Variants in DNASE1L1 observed in about 807,000 individuals in gnomAD.
DNASE1L1 encodes deoxyribonuclease 1 like 1, also known as deoxyribonuclease-1-like 1.
In DNASE1L1, 8 loss-of-function variants were observed where a neutral mutation model predicts 18.6. The ratio of observed to expected loss-of-function variants is 0.43; its 90% CI spans 0.25 to 0.78. The LOEUF (loss-of-function observed/expected upper bound fraction) is 0.78, where lower values mean the gene tolerates loss of function less well. Ranked by LOEUF, DNASE1L1 falls within the 30% of genes least tolerant of loss-of-function variation. DNASE1L1 has a pLI of 0.23. For synonymous variants in DNASE1L1, 114 were observed against 114.2 expected (o/e 1.00, Z 0.01); for missense variants, 214 against 258.2 (o/e 0.83, Z 1.17).
At chrX:154,404,336 C>T (rs907146041) in intron 4 of DNASE1L1, among the ~76,000 whole-genome samples, 4 of 109,816 alleles carry the variant, frequency 3.6e-5, no homozygotes, top group South Asian at 7.8e-4. Context: ...AATTTTGGAG[C>T]GCATACCAGA....
Position 154,406,438 on chromosome X carries a change from C to T in DNASE1L1, c.-87-783G>A, listed in dbSNP as rs782277450. On this transcript the variant is annotated intron_variant, in intron 1 of 7. Transcript: ENST00000369807. ...GGGCTGGAGTGCAATGGTGCGATCT[C>T]GGCTTACTGCAACCTCTGCCTCCCA... Among the ~76,000 whole-genome samples the T allele has an allele frequency of 3.0e-5, 3 of 99,729 alleles. No homozygotes were observed. In the Admixed American group the frequency reaches 3.3e-4, roughly 11 times the overall value. 86.6% of individuals were successfully genotyped at this position (99,729 alleles called of 115,157 possible).
Position 154,402,304 on chromosome X carries a change from C to A in DNASE1L1, c.*403G>T. ...TTAATGGTTTCCTGGTGATTCTTAC[C>A]AATCCACAATAAACATGGCCCATTG... On this transcript the variant is annotated 3_prime_UTR_variant, in exon 8 of 8. Transcript: ENST00000369807. 6.8e-6 allele frequency: 1 copy of A among 146,865 alleles called. No homozygotes were observed. The highest frequency in any genetic ancestry group is 1.3e-5 in the Non-Finnish European group (1 of 74,755). 12.1% of individuals were successfully genotyped at this position (146,865 alleles called of 1,213,427 possible). A position where few individuals can be genotyped will look rare whatever the true frequency, so the allele number is the denominator to read the frequency against.
chrX:154,403,428 T>C (rs1557187561), intron 5 of DNASE1L1, 47 bp from the exon 6 acceptor site: 1 of 1,198,222 alleles, frequency 8.3e-7, no homozygotes, highest in Non-Finnish European at 1.1e-6. Context: ...CTGGACCTTC[T>C]CCCCCTAGCC....
upstream of DNASE1L1, chrX:154,409,365 G>A (rs937958256): frequency 4.2e-5 from 9 of 214,561 alleles, no homozygotes; most frequent in South Asian, 1.0e-4. Context: ...TGACCTGCCC[G>A]CCCACCTTCC....
upstream of DNASE1L1, among the ~76,000 whole-genome samples, chrX:154,411,228 T>A (rs1249993301): frequency 2.8e-5 from 3 of 107,934 alleles, no homozygotes; most frequent in Non-Finnish European, 5.8e-5. Flanking sequence ...TGGATCAGAG[T>A]GTGATGGCGG....
In DNASE1L1 at chrX:154,401,540, A is replaced by T. The variant is rs901265826; in HGVS notation, c.*1167T>A. On this transcript the variant is annotated 3_prime_UTR_variant, in exon 8 of 8. Coordinates refer to ENST00000369807, the MANE Select transcript of DNASE1L1 (RefSeq NM_001303620.2). Reference sequence around the variant, plus strand: ...GTGTGTGGCATGGTTTGGCCTGGGGATCTTAGATGTCTGACCTGAACTATT... The same window carrying T: ...GTGTGTGGCATGGTTTGGCCTGGGGTTCTTAGATGTCTGACCTGAACTATT... 1 of 116,973 alleles carries T rather than the reference A, an allele frequency of 8.5e-6. No homozygotes were observed. Among genetic ancestry groups the T allele is most frequent in the Admixed American group, 8.5e-5 (1 of 11,745 alleles). 9.6% of individuals were successfully genotyped at this position (116,973 alleles called of 1,213,427 possible).
chrX:154,405,853 C>T (rs2068139063), intron 1 of DNASE1L1, among the ~76,000 whole-genome samples, 198 bp from the exon 2 acceptor site: 1 of 108,275 alleles, frequency 9.2e-6, no homozygotes, highest in African/African-American at 3.4e-5. Context: ...CCAGCCTGGG[C>T]GACAATAAGA....
At chrX:154,410,524 G>A (rs1250716150), upstream of DNASE1L1, among the ~76,000 whole-genome samples, 1 of 110,764 alleles carries the variant, frequency 9.0e-6, no homozygotes, top group Non-Finnish European at 1.9e-5. Flanking sequence ...CTGCACTCCA[G>A]CCTGGGCAAC....
rs2068081799 is a variant in DNASE1L1 at position 154,403,252 on chromosome X, A to T, written c.525+17T>A. 2 of 1,209,529 alleles carry T rather than the reference A, an allele frequency of 1.7e-6. No individual in the cohort carries two copies. The highest frequency in any genetic ancestry group is 5.9e-5 in the East Asian group (2 of 33,798). On this transcript the variant is annotated intron_variant, in intron 6 of 7. Transcript: ENST00000369807. The stretch of plus-strand genomic sequence containing the variant: ...CACCCTATCCTTGTCCCTCCTGTAC[A>T]AACTGCCCAGGCCTACCTTGCTCTG...
Position 154,402,060 on chromosome X carries a change from T to C in DNASE1L1, c.*647A>G, listed in dbSNP as rs2068052688. 8.9e-6 allele frequency: 1 copy of C among 112,509 alleles called. No homozygotes were observed. The highest frequency in any genetic ancestry group is 3.2e-5 in the African/African-American group (1 of 30,847). The allele number at this position is 112,509 out of a possible 1,213,427, so 9.3% of individuals were successfully genotyped here. A position where few individuals can be genotyped will look rare whatever the true frequency, so the allele number is the denominator to read the frequency against. ...AGATTTTCTGTGTGGAGATGTTGCC[T>C]TGACCAGCCTTGGCTGGACTTTACC... On this transcript the variant is annotated 3_prime_UTR_variant, in exon 8 of 8. Coordinates refer to ENST00000369807, the MANE Select transcript of DNASE1L1 (RefSeq NM_001303620.2).
rs782007295 is a variant in DNASE1L1, at chrX:154,403,242, C to T, written c.525+27G>A. The T allele has an allele frequency of 5.0e-6, 6 of 1,206,366 alleles. No homozygotes were observed. The South Asian group carries it at 8.8e-5, about 18-fold the overall frequency. ...GCCGCTGGGCCACCCTATCCTTGTC[C>T]CTCCTGTACAAACTGCCCAGGCCTA... On this transcript the variant is annotated intron_variant, in intron 6 of 7. Coordinates refer to ENST00000369807, the MANE Select transcript of DNASE1L1 (RefSeq NM_001303620.2).
At position 154,403,488 on chromosome X, in the gene DNASE1L1, C is replaced by T. The variant is rs782251207; in HGVS notation, c.412+34G>A. ...GGAGCCAGCCAGAACTCCCCTTCTG[C>T]TCCCACATACCAAGCCCACCCTTCC... On this transcript the variant is annotated intron_variant, in intron 5 of 7. Coordinates refer to ENST00000369807, the MANE Select transcript of DNASE1L1 (RefSeq NM_001303620.2). 5 of 1,199,294 alleles carry T rather than the reference C, an allele frequency of 4.2e-6. No individual in the cohort carries two copies. In the Admixed American group the frequency reaches 8.7e-5, roughly 21 times the overall value.
upstream of DNASE1L1, chrX:154,409,396 G>A (rs1455343684): frequency 1.4e-4 from 28 of 204,659 alleles, no homozygotes; most frequent in Admixed American, 1.4e-3. Flanking sequence ...CCGCCTTCCC[G>A]GGCCAGCGGG....
intron 2 of DNASE1L1, 137 bp from the exon 3 acceptor site, chrX:154,405,220 G>T: frequency 1.2e-6 from 1 of 830,215 alleles, no homozygotes; most frequent in Non-Finnish European, 1.7e-6. Context: ...CAGTGGGACT[G>T]GAAATGCCCC....
Position 154,401,693 on chromosome X carries a change from C to T in DNASE1L1, c.*1014G>A, listed in dbSNP as rs2068040230. On this transcript the variant is annotated 3_prime_UTR_variant, in exon 8 of 8. Coordinates refer to ENST00000369807, the MANE Select transcript of DNASE1L1 (RefSeq NM_001303620.2). ...TCCCAGAGCTGGGGTATGTTGGCCC[C>T]AGCCCCCAGCCTGTGGCTCCCAAAA... The T allele has an allele frequency of 1.8e-5, 2 of 112,083 alleles. No individual in the cohort carries two copies. Among genetic ancestry groups the T allele is most frequent in the African/African-American group, 6.5e-5 (2 of 30,794 alleles). The allele number at this position is 112,083 out of a possible 1,213,427, so 9.2% of individuals were successfully genotyped here. A position where few individuals can be genotyped will look rare whatever the true frequency, so the allele number is the denominator to read the frequency against.
intron 2 of DNASE1L1, 144 bp from the exon 3 acceptor site, chrX:154,405,227 C>T: frequency 1.2e-6 from 1 of 836,861 alleles, no homozygotes; most frequent in East Asian, 3.4e-5. Context: ...ACTGGAAATG[C>T]CCCAGGAAAA....
rs782705148 is a variant in DNASE1L1, at chrX:154,401,824, T to C, written c.*883A>G. ...CTGGGAATACCTTTTATTTTTTTTTTACCTTGGGGTGATGGTTCCAAACCA... is the reference window on the plus strand; with the variant it reads ...CTGGGAATACCTTTTATTTTTTTTTCACCTTGGGGTGATGGTTCCAAACCA... On this transcript the variant is annotated 3_prime_UTR_variant, in exon 8 of 8. Coordinates refer to ENST00000369807, the MANE Select transcript of DNASE1L1 (RefSeq NM_001303620.2). The C allele has an allele frequency of 1.8e-5, 2 of 112,183 alleles. No individual in the cohort carries two copies. The highest frequency in any genetic ancestry group is 3.8e-5 in the Non-Finnish European group (2 of 53,211). 9.2% of individuals were successfully genotyped at this position (112,183 alleles called of 1,213,427 possible).
At chrX:154,406,072 C>T (rs1419543628) in intron 1 of DNASE1L1, among the ~76,000 whole-genome samples, 25 of 106,167 alleles carry the variant, frequency 2.4e-4, no homozygotes, top group Non-Finnish European at 4.5e-4. Context: ...CCTGGGTTCA[C>T]GCCATTCTCC....
At chrX:154,406,368 G>GTTTT (rs57476394) in intron 1 of DNASE1L1, among the ~76,000 whole-genome samples, 1 of 84,767 alleles carries the variant, frequency 1.2e-5, no homozygotes, top group African/African-American at 4.9e-5. Flanking sequence ...CATCCATCTG[G>GTTTT]TTTTTTTTTT....
Sources: gnomAD v4.1 joint callset for allele counts (sites outside exome capture counted in the v4.1 genomes callset) on GRCh38, gnomAD v4.1.1 for gene constraint, MANE v1.5 for transcripts, NCBI Gene and HGNC (gene_info 2026-07-23, HGNC 2026-07-21) for gene names.